LAMB1: variants seen among roughly 807,000 people sequenced by gnomAD.
LAMB1 encodes laminin subunit beta-1.
Under a neutral mutation model 222.3 loss-of-function variants are expected in LAMB1, and 121 were observed. The observed-to-expected ratio is 0.54, with a 90% CI of 0.47 to 0.63. LAMB1 has a LOEUF of 0.63. Among genes scored for constraint, LAMB1 ranks in the 30% least tolerant of loss-of-function variants. LAMB1 has a pLI of 0.00. For missense variants in LAMB1, 2,172 were observed against 2,240.8 expected, an observed-to-expected ratio of 0.97 and a Z score of 0.62; for synonymous variants, 794 against 807.2, an observed-to-expected ratio of 0.98 and a Z score of 0.28.
At chr7:107,962,860 A>T (rs947740828) in intron 15 of LAMB1, 45 bp downstream of exon 15, 1 of 1,549,126 alleles carries the variant, frequency 6.5e-7, no homozygotes, top group Admixed American at 1.8e-5. Context: ...TTTTCTACTG[A>T]TTCTCCCCTC....
intron 3 of LAMB1, 127 bp from the exon 4 acceptor site, chr7:107,998,619 A>C (rs368190620): frequency 1.5e-5 from 11 of 729,416 alleles, no homozygotes; most frequent in East Asian, 5.4e-5. Flanking sequence ...TAATTGTGTG[A>C]AAATTGCTTA....
At chr7:107,998,641 T>G in intron 3 of LAMB1, 149 bp from the exon 4 acceptor site, 1 of 621,536 alleles carries the variant, frequency 1.6e-6, no homozygotes, top group East Asian at 2.8e-5. Context: ...GAGATTTGTA[T>G]CACATCTTTC....
At chr7:107,937,429 C>T in intron 25 of LAMB1, 152 bp from the exon 26 acceptor site, 1 of 641,866 alleles carries the variant, frequency 1.6e-6, no homozygotes, top group South Asian at 2.0e-5. Context: ...TTTTATTTTC[C>T]TTATAACAGA....
chr7:107,927,191 A>ATTTTAG (rs2032586358), intron 31 of LAMB1, among the ~76,000 whole-genome samples: 1 of 152,234 alleles, frequency 6.6e-6, no homozygotes, highest in Non-Finnish European at 1.5e-5. Flanking sequence ...AATATTTCAA[A>ATTTTAG]CCTAAGGACC....
intron 3 of LAMB1, among the ~76,000 whole-genome samples, chr7:108,000,216 A>T (rs2034356927): frequency 6.6e-6 from 1 of 151,250 alleles, no homozygotes; most frequent in East Asian, 2.0e-4. Flanking sequence ...AAAAAAGTTT[A>T]AAAAAGTTTA....
intron 7 of LAMB1, 150 bp from the exon 8 acceptor site, chr7:107,980,961 T>C: frequency 1.7e-6 from 1 of 593,056 alleles, no homozygotes; most frequent in South Asian, 2.1e-5. Context: ...ACTCCAATAG[T>C]GAAGCCTAAC....
rs2032641178 is a variant in LAMB1 at position 107,929,108 on chromosome 7, G to A, written c.4843C>T (p.Gln1615Ter). The A allele has an allele frequency of 6.2e-7, 1 of 1,613,902 alleles. No homozygotes were observed. Among genetic ancestry groups the A allele is most frequent in the South Asian group, 1.1e-5 (1 of 91,088 alleles). Residue 1615 changes from glutamine to a stop codon, truncating the protein, a stop_gained, in exon 31 of 34, where the codon CAA becomes TAA. Transcript: ENST00000222399. LOFTEE classifies it high-confidence loss of function. ...GTTCCTTGAATGTCTTCATCTGCTT[G>A]TTTAATTGCCTTCTCTGCTGCGACC... ...AQVAAEKAIK[Q>*]ADEDIQGTQN... is the part of the protein sequence containing the mutation.
intron 27 of LAMB1, among the ~76,000 whole-genome samples, chr7:107,933,806 CA>C (rs1336195771): frequency 6.6e-6 from 1 of 152,072 alleles, no homozygotes; most frequent in Non-Finnish European, 1.5e-5. Flanking sequence ...GGTAGTTTAC[CA>C]GGTGGAAAAG....
intron 4 of LAMB1, among the ~76,000 whole-genome samples, chr7:107,995,266 A>G (rs2034261615): frequency 6.6e-6 from 1 of 152,204 alleles, no homozygotes; most frequent in African/African-American, 2.4e-5. Flanking sequence ...TCCTTTGCCT[A>G]GCCAGAAGTG....
chr7:107,967,872 G>A (rs756256095), intron 13 of LAMB1, among the ~76,000 whole-genome samples: 1 of 152,178 alleles, frequency 6.6e-6, no homozygotes, highest in Non-Finnish European at 1.5e-5. Flanking sequence ...TGCATTGATA[G>A]AGTTACAAGC....
At chr7:107,994,426 A>T (rs532058331) in intron 5 of LAMB1, among the ~76,000 whole-genome samples, 1 of 152,336 alleles carries the variant, frequency 6.6e-6, no homozygotes, top group East Asian at 1.9e-4. Flanking sequence ...ATGATTCTTT[A>T]GTTTTCCACA....
At chr7:107,999,378 T>C (rs1398948452) in intron 3 of LAMB1, among the ~76,000 whole-genome samples, 1 of 152,234 alleles carries the variant, frequency 6.6e-6, no homozygotes, top group African/African-American at 2.4e-5. Context: ...AAATGCAGAC[T>C]ATTCTTAAGT....
chr7:107,964,312 A>G (rs1348759370), intron 14 of LAMB1, among the ~76,000 whole-genome samples: 1 of 152,222 alleles, frequency 6.6e-6, no homozygotes, highest in African/African-American at 2.4e-5. Context: ...TCTTGTAAAG[A>G]CACATTTCTT....
chr7:107,926,139 G>C (rs780009901), intron 32 of LAMB1, 44 bp downstream of exon 32: 2 of 1,478,080 alleles, frequency 1.4e-6, no homozygotes, highest in South Asian at 1.2e-5. Context: ...GAGACTGGTG[G>C]CTCCTTTAAC....
chr7:108,002,700 G>A, intron 2 of LAMB1, 149 bp downstream of exon 2: 1 of 1,145,208 alleles, frequency 8.7e-7, no homozygotes, highest in Non-Finnish European at 1.2e-6. Flanking sequence ...CCGAAGCAAG[G>A]GCGGTGGCGT....
At chr7:107,963,507 A>G (rs1465056410) in intron 14 of LAMB1, among the ~76,000 whole-genome samples, 1 of 152,218 alleles carries the variant, frequency 6.6e-6, no homozygotes. Flanking sequence ...AACTTGATAT[A>G]ATGAATGTTC....
intron 24 of LAMB1, among the ~76,000 whole-genome samples, chr7:107,948,230 G>A (rs895719275): frequency 7.2e-5 from 11 of 152,140 alleles, no homozygotes; most frequent in Admixed American, 1.3e-4. Context: ...CAAGTGATCC[G>A]CCCGCCTTGG....
Position 107,975,427 on chromosome 7 carries a change from A to G in LAMB1, c.1190-14T>C. ...CACACGTACATCCTGAGAAGAATGC[A>G]AAGCACCAGGTTAAAATCAGGAGGA... On this transcript the variant is annotated splice_polypyrimidine_tract_variant and intron_variant, in intron 10 of 33. Transcript: ENST00000222399. 1 of 1,593,176 alleles carries G rather than the reference A, an allele frequency of 6.3e-7. No homozygotes were observed. The highest frequency in any genetic ancestry group is 8.5e-7 in the Non-Finnish European group (1 of 1,170,590).
intron 24 of LAMB1, among the ~76,000 whole-genome samples, chr7:107,946,308 T>C (rs2033114531): frequency 6.6e-6 from 1 of 152,262 alleles, no homozygotes; most frequent in Non-Finnish European, 1.5e-5. Flanking sequence ...TCTTTTATCC[T>C]TTTCCCTTTT....
Sources: gnomAD v4.1 joint callset for allele counts (sites outside exome capture counted in the v4.1 genomes callset) on GRCh38, gnomAD v4.1.1 for gene constraint, MANE v1.5 for transcripts, NCBI Gene and HGNC (gene_info 2026-07-23, HGNC 2026-07-21) for gene names.